The following PRKG2 variants were observed in gnomAD, a reference collection of about 807,000 sequenced individuals.
PRKG2 encodes the protein cGMP-dependent protein kinase 2.
PRKG2 carries 33 observed loss-of-function variants against 97.2 expected under a neutral mutation model. The observed-to-expected ratio is 0.34, with a 90% CI of 0.26 to 0.45. The LOEUF is 0.45. Among genes scored for constraint, PRKG2 ranks in the 20% least tolerant of loss-of-function variants. PRKG2 has a pLI of 1.00. For missense variants in PRKG2, 638 were observed against 900.0 expected, an observed-to-expected ratio of 0.71 and a Z score of 3.73; for synonymous variants, 330 against 321.8, an observed-to-expected ratio of 1.03 and a Z score of -0.27.
At chr4:81,096,342 G>GT (rs945100483) in intron 17 of PRKG2, among the ~76,000 whole-genome samples, 8 of 151,916 alleles carry the variant, frequency 5.3e-5, no homozygotes, top group Non-Finnish European at 1.0e-4. Flanking sequence ...AGGAGTTTGG[G>GT]TAACATGGCA....
intron 10 of PRKG2, among the ~76,000 whole-genome samples, chr4:81,143,263 ATTTT>A (rs940247696): frequency 6.6e-6 from 1 of 152,028 alleles, no homozygotes; most frequent in African/African-American, 2.4e-5. Flanking sequence ...CAGTGTGGAA[ATTTT>A]TTTTAACTAA....
chr4:81,189,449 A>G (rs1244268641), intron 2 of PRKG2, among the ~76,000 whole-genome samples: 1 of 140,022 alleles, frequency 7.1e-6, no homozygotes, highest in East Asian at 2.2e-4. Context: ...TGATGAGTTC[A>G]TGTCCTTTGT....
chr4:81,131,996 C>T (rs981508213), intron 14 of PRKG2, among the ~76,000 whole-genome samples: 4 of 151,896 alleles, frequency 2.6e-5, no homozygotes, highest in African/African-American at 9.7e-5. Flanking sequence ...ATTTTTAATG[C>T]AGTAATATTG....
chr4:81,118,895 G>A (rs1457029385), intron 14 of PRKG2, among the ~76,000 whole-genome samples: 1 of 152,056 alleles, frequency 6.6e-6, no homozygotes, highest in South Asian at 2.1e-4. Context: ...CCTGGTCTCA[G>A]GCAATCCTCC....
intron 2 of PRKG2, among the ~76,000 whole-genome samples, chr4:81,185,947 A>G (rs1245885257): frequency 6.6e-6 from 1 of 152,238 alleles, no homozygotes; most frequent in Non-Finnish European, 1.5e-5. Flanking sequence ...TATGCACCCA[A>G]TAAAGGAGCA....
rs553264498 is a variant in PRKG2, at chr4:81,089,280, G to C, written c.*428C>G. On this transcript the variant is annotated 3_prime_UTR_variant, in exon 19 of 19. Coordinates refer to ENST00000264399, the MANE Select transcript of PRKG2 (RefSeq NM_006259.3). ...GCTTATATGAAGTTGCTGAGAGCTGGGGAGCTCTCCAAAATTCACCATTGT... is the reference window on the plus strand; with the variant it reads ...GCTTATATGAAGTTGCTGAGAGCTGCGGAGCTCTCCAAAATTCACCATTGT... The C allele has an allele frequency of 2.6e-5, 4 of 153,076 alleles. No homozygotes were observed. The highest frequency in any genetic ancestry group is 9.6e-5 in the African/African-American group (4 of 41,562). 9.5% of individuals were successfully genotyped at this position (153,076 alleles called of 1,614,324 possible).
intron 2 of PRKG2, chr4:81,175,564 T>C (rs1336113126): frequency 6.6e-6 from 1 of 152,172 alleles, no homozygotes; most frequent in Non-Finnish European, 1.5e-5. Flanking sequence ...GGGAGAAAGC[T>C]TCTAAGGGAG....
chr4:81,159,699 A>G (rs371518380), intron 6 of PRKG2, among the ~76,000 whole-genome samples: 4 of 152,072 alleles, frequency 2.6e-5, no homozygotes, highest in South Asian at 2.1e-4. Flanking sequence ...GCAAAGACTT[A>G]GAACCAACCC....
intron 17 of PRKG2, among the ~76,000 whole-genome samples, chr4:81,101,326 A>T (rs1208223594): frequency 2.6e-5 from 4 of 152,232 alleles, no homozygotes; most frequent in Admixed American, 6.5e-5. Flanking sequence ...CAAATGTCCA[A>T]CAATGATAGA....
At chr4:81,202,143 G>A (rs953068496) in intron 2 of PRKG2, among the ~76,000 whole-genome samples, 4 of 152,084 alleles carry the variant, frequency 2.6e-5, no homozygotes, top group Admixed American at 2.6e-4. Context: ...TCCTTTTAAT[G>A]CTCTAACTTC....
intron 14 of PRKG2, among the ~76,000 whole-genome samples, chr4:81,128,804 T>G (rs1745863148): frequency 7.1e-6 from 1 of 141,070 alleles, no homozygotes; most frequent in South Asian, 2.1e-4. Context: ...TTTTGAAGGG[T>G]TTTTCATGTC....
intron 7 of PRKG2, 76 bp downstream of exon 7, chr4:81,153,568 G>T: frequency 8.4e-7 from 1 of 1,192,310 alleles, no homozygotes; most frequent in Non-Finnish European, 1.2e-6. Flanking sequence ...ATGTTGCAAT[G>T]CAAAGCATAG....
At position 81,204,912 on chromosome 4, in the gene PRKG2, C is replaced by T. The variant is rs1418761850; in HGVS notation, c.136G>A (p.Glu46Lys). The T allele has an allele frequency of 6.2e-7, 1 of 1,614,202 alleles. No individual in the cohort carries two copies. The highest frequency in any genetic ancestry group is 1.1e-5 in the South Asian group (1 of 91,074). The change falls in exon 2 of 19, where the codon GAG becomes AAG. Residue 46 changes from glutamate to lysine, a missense_variant. By Grantham distance (56) the Glu-to-Lys change is moderately conservative (BLOSUM62 1). This residue lies in a region of PRKG2 where 332 missense variants were observed against 421.7 expected (regional missense o/e 0.79). Transcript: ENST00000264399. ...AGCTCCTTCAAATGGTACTCCCGCT[C>T]CTGGATCTCAGCATCCTTCCTCCTC... ...ELRRKDAEIQ[E>K]REYHLKELRE...
intron 2 of PRKG2, among the ~76,000 whole-genome samples, chr4:81,183,251 T>G (rs1751575844): frequency 6.6e-6 from 1 of 152,090 alleles, no homozygotes; most frequent in African/African-American, 2.4e-5. Context: ...GCGAGATCAA[T>G]GCAGAAGGTG....
At chr4:81,203,387 C>T (rs183738633) in intron 2 of PRKG2, among the ~76,000 whole-genome samples, 5 of 152,208 alleles carry the variant, frequency 3.3e-5, no homozygotes, top group African/African-American at 1.2e-4. Context: ...ACTATGCTTC[C>T]AGTACTGTCA....
chr4:81,144,374 C>G, intron 9 of PRKG2, 44 bp from the exon 10 acceptor site: 1 of 1,472,192 alleles, frequency 6.8e-7, no homozygotes. Context: ...CTGATAGTTA[C>G]CAAGGCAACT....
chr4:81,131,725 C>G (rs1365531957), intron 14 of PRKG2, among the ~76,000 whole-genome samples: 1 of 152,090 alleles, frequency 6.6e-6, no homozygotes, highest in Non-Finnish European at 1.5e-5. Context: ...CCAGTTGTTT[C>G]AGCAATGTTT....
Position 81,151,964 on chromosome 4 carries a change from T to A in PRKG2, c.1081A>T (p.Ile361Phe). The A allele has an allele frequency of 6.2e-7, 1 of 1,605,358 alleles. No individual in the cohort carries two copies. The highest frequency in any genetic ancestry group is 8.5e-7 in the Non-Finnish European group (1 of 1,173,196). ...GCATATAATTCATGAATTCACCTGA[T>A]AAGAGCTTTTTCTCCAAAGTATTCT... ...KGEYFGEKAL[I>F]SDDVRSANII... is the part of the protein sequence containing the mutation. The change falls in exon 8 of 19, where the codon ATC becomes TTC. Residue 361 changes from isoleucine to phenylalanine, a missense_variant. Coordinates refer to ENST00000264399, the MANE Select transcript of PRKG2 (RefSeq NM_006259.3).
At chr4:81,207,242 G>A (rs1379566437) in intron 1 of PRKG2, among the ~76,000 whole-genome samples, 2 of 152,126 alleles carry the variant, frequency 1.3e-5, no homozygotes, top group African/African-American at 4.8e-5. Context: ...GTGTACACAC[G>A]TTTTTAACAC....
Sources: allele counts gnomAD v4.1 joint callset (sites outside exome capture counted in the v4.1 genomes callset), GRCh38; gene constraint gnomAD v4.1.1; regional missense constraint gnomAD v4.1.1; transcripts MANE v1.5; gene names NCBI Gene and HGNC (gene_info 2026-07-23, HGNC 2026-07-21).